PCNX2: variants seen among roughly 807,000 people sequenced by gnomAD.
The protein encoded by PCNX2 is pecanex-like protein 2.
PCNX2 carries 168 observed loss-of-function variants against 223.8 expected under a neutral mutation model. The observed-to-expected ratio is 0.75, with a 90% CI of 0.66 to 0.85. The LOEUF (loss-of-function observed/expected upper bound fraction) is 0.85. Among genes scored for constraint, PCNX2 ranks in the 40% least tolerant of loss-of-function variants. PCNX2 has a pLI of 0.00. For synonymous variants in PCNX2, 1,006 were observed against 1,052.6 expected, an observed-to-expected ratio of 0.96 and a Z score of 0.86; for missense variants, 2,507 against 2,675.5, an observed-to-expected ratio of 0.94 and a Z score of 1.39.
chr1:233,032,017 A>C, intron 25 of PCNX2: 1 of 984,398 alleles, frequency 1.0e-6, no homozygotes, highest in Non-Finnish European at 1.2e-6. Flanking sequence ...TGACACATTA[A>C]CACTGGCTTG....
chr1:233,285,678 A>AAAAC (rs145161894), intron 1 of PCNX2, among the ~76,000 whole-genome samples: 292 of 152,240 alleles, frequency 1.9e-3, no homozygotes, highest in African/African-American at 6.3e-3. Flanking sequence ...CCATCTCAAA[A>AAAAC]AAACAAACAA....
At chr1:233,152,691 T>C (rs1005975274) in intron 19 of PCNX2, among the ~76,000 whole-genome samples, 25 of 152,196 alleles carry the variant, frequency 1.6e-4, no homozygotes, top group Non-Finnish European at 3.1e-4. Flanking sequence ...GTATGACATG[T>C]ACATCCAGAT....
intron 23 of PCNX2, among the ~76,000 whole-genome samples, chr1:233,084,942 C>A (rs898772446): frequency 1.3e-5 from 2 of 152,208 alleles, no homozygotes; most frequent in African/African-American, 4.8e-5. Flanking sequence ...GTCAAGACCA[C>A]CTCAGTCTAG....
chr1:233,089,815 T>C, intron 23 of PCNX2: 2 of 1,194,136 alleles, frequency 1.7e-6, no homozygotes, highest in Non-Finnish European at 2.1e-6. Flanking sequence ...TCACTTTTCC[T>C]TCACAACTGG....
intron 1 of PCNX2, among the ~76,000 whole-genome samples, chr1:233,275,622 T>C (rs1660866454): frequency 6.6e-6 from 1 of 152,202 alleles, no homozygotes; most frequent in Admixed American, 6.5e-5. Flanking sequence ...AAAAAATTAA[T>C]AGAATTAACA....
intron 10 of PCNX2, among the ~76,000 whole-genome samples, chr1:233,219,434 G>A (rs1011139397): frequency 1.3e-5 from 2 of 152,058 alleles, no homozygotes; most frequent in Admixed American, 6.6e-5. Context: ...CACAGGGGAC[G>A]GCATGGACCA....
In PCNX2 at chr1:233,000,213, G is replaced by C; in HGVS notation, c.5328+92C>G. 1 of 1,239,798 alleles carries C rather than the reference G, an allele frequency of 8.1e-7. No homozygotes were observed. Among genetic ancestry groups the C allele is most frequent in the Non-Finnish European group, 1.2e-6 (1 of 843,784 alleles). 76.8% of individuals were successfully genotyped at this position (1,239,798 alleles called of 1,614,324 possible). On this transcript the variant is annotated intron_variant, in intron 30 of 33. Transcript: ENST00000258229. This position sits in a 1 kb window ranked among gnomAD's most constrained non-coding sequence, Gnocchi z 4.6. ...AGAGGATGCTGGCACAGAGACTCCTGTGTCAGTGCCCCCCTGCCCACCACC... is the reference window on the plus strand; with the variant it reads ...AGAGGATGCTGGCACAGAGACTCCTCTGTCAGTGCCCCCCTGCCCACCACC...
intron 16 of PCNX2, 79 bp from the exon 17 acceptor site, chr1:233,177,977 T>A: frequency 7.4e-6 from 8 of 1,088,168 alleles, no homozygotes; most frequent in Non-Finnish European, 9.6e-6. Flanking sequence ...ACCTTAGATC[T>A]CACACCCACA....
chr1:233,309,751 G>A, the PCNX2 span, among the ~76,000 whole-genome samples: 1 of 151,592 alleles, frequency 6.6e-6, no homozygotes, highest in Non-Finnish European at 1.5e-5. Flanking sequence ...GGTGGTGGGC[G>A]CCTGTAGTCC....
At position 233,238,439 on chromosome 1, in the gene PCNX2, C is replaced by G. The variant is rs188381567; in HGVS notation, c.2223-1459G>C. On this transcript the variant is annotated intron_variant, in intron 8 of 33. Transcript: ENST00000258229. ...GGCGCAGTAGCTGATGCCTGTAATC[C>G]CAACACTTTGAGAGGGGGAGGCAGG... Among the ~76,000 whole-genome samples the G allele has an allele frequency of 3.3e-5, 5 of 152,144 alleles. No homozygotes were observed. In the East Asian group the frequency reaches 9.7e-4, roughly 29 times the overall value.
intron 24 of PCNX2, among the ~76,000 whole-genome samples, chr1:233,054,868 G>A (rs1351943753): frequency 6.6e-6 from 1 of 151,944 alleles, no homozygotes; most frequent in Non-Finnish European, 1.5e-5. Context: ...AAAAATTCAG[G>A]TTTATTGAAG....
Position 233,157,871 on chromosome 1 carries a change from G to A in PCNX2, c.3517+2412C>T, listed in dbSNP as rs183234903. ...CTAATTTGTCTAACCTGTGACTCCC[G>A]GCTAGATTTCAGGCTGCTTATAAAT... On this transcript the variant is annotated intron_variant, in intron 19 of 33. Coordinates refer to ENST00000258229, the MANE Select transcript of PCNX2 (RefSeq NM_014801.4). Among the ~76,000 whole-genome samples the A allele has an allele frequency of 2.0e-4, 31 of 152,044 alleles. No homozygotes were observed. In the East Asian group the frequency reaches 4.5e-3, roughly 22 times the overall value.
In PCNX2 at chr1:233,001,147, C is replaced by T. The variant is rs981105436; in HGVS notation, c.5097+390G>A. On this transcript the variant is annotated intron_variant, in intron 29 of 33. Coordinates refer to ENST00000258229, the MANE Select transcript of PCNX2 (RefSeq NM_014801.4). This position sits in a 1 kb window ranked among gnomAD's most constrained non-coding sequence, Gnocchi z 4.2. ...CTCCCGGGCTCAAGCTATCCTCCCA[C>T]CTTAACCTCCCGAGTAGCTGAGCGA... Among the ~76,000 whole-genome samples, 2 of 152,152 alleles carry T rather than the reference C, an allele frequency of 1.3e-5. No homozygotes were observed. Among genetic ancestry groups the T allele is most frequent in the African/African-American group, 4.8e-5 (2 of 41,444 alleles).
At chr1:233,241,778 CGA>C (rs1187689167) in intron 8 of PCNX2, among the ~76,000 whole-genome samples, 2 of 152,060 alleles carry the variant, frequency 1.3e-5, no homozygotes, top group African/African-American at 4.8e-5. Flanking sequence ...TATCTAATAT[CGA>C]GAGAAGTCAC....
At chr1:233,305,777 A>G in the PCNX2 span, among the ~76,000 whole-genome samples, 1 of 152,246 alleles carries the variant, frequency 6.6e-6, no homozygotes, top group African/African-American at 2.4e-5. Context: ...TTTAAAATAC[A>G]GTAAAGGAAA....
At chr1:233,099,996 C>T (rs912615055) in intron 21 of PCNX2, among the ~76,000 whole-genome samples, 1 of 152,134 alleles carries the variant, frequency 6.6e-6, no homozygotes, top group African/African-American at 2.4e-5. Context: ...CATTCTACTT[C>T]CAAGATCTTA....
intron 26 of PCNX2, among the ~76,000 whole-genome samples, chr1:233,018,440 T>A (rs577304892): frequency 6.6e-6 from 1 of 152,318 alleles, no homozygotes; most frequent in East Asian, 1.9e-4. Flanking sequence ...GTAACCCATG[T>A]TTCCTTCTTA....
At chr1:233,125,988 T>A (rs1676076537) in intron 21 of PCNX2, 1 of 152,282 alleles carries the variant, frequency 6.6e-6, no homozygotes, top group Admixed American at 6.5e-5. Flanking sequence ...GGCAGGCAGA[T>A]CACCCGAGGT....
chr1:233,212,912 T>G (rs549206701), intron 12 of PCNX2, among the ~76,000 whole-genome samples: 60 of 152,346 alleles, frequency 3.9e-4, no homozygotes, highest in African/African-American at 1.4e-3. Context: ...AGCACTACAT[T>G]AGCCAGGTGA....
Sources: allele counts gnomAD v4.1 joint callset (sites outside exome capture counted in the v4.1 genomes callset), GRCh38; gene constraint gnomAD v4.1.1; non-coding constraint Gnocchi (gnomAD v3.1); transcripts MANE v1.5; gene names NCBI Gene and HGNC (gene_info 2026-07-23, HGNC 2026-07-21).